RIMKLB: variants seen among roughly 807,000 people sequenced by gnomAD.
The protein encoded by RIMKLB is beta-citrylglutamate synthase B.
A neutral mutation model predicts 32.0 loss-of-function variants in RIMKLB; 7 were observed. The ratio of observed to expected loss-of-function variants is 0.22; its 90% confidence interval spans 0.12 to 0.41. The LOEUF (loss-of-function observed/expected upper bound fraction) is 0.41, where lower values mean the gene tolerates loss of function less well. Ranked by LOEUF, RIMKLB falls within the 10% of genes least tolerant of loss-of-function variation. RIMKLB has a pLI of 1.00. For synonymous variants in RIMKLB, 172 were observed against 185.1 expected (o/e 0.93, Z 0.57); for missense variants, 289 against 498.7 (o/e 0.58, Z 4.00).
chr12:8,741,132 G>A (rs1226209333), intron 2 of RIMKLB, among the ~76,000 whole-genome samples: 2 of 152,092 alleles, frequency 1.3e-5, no homozygotes, highest in African/African-American at 4.8e-5. Flanking sequence ...CTTGAACCCG[G>A]GAGACGGAGG....
chr12:8,693,452 A>G (rs747450976), upstream of RIMKLB, among the ~76,000 whole-genome samples: 3 of 148,620 alleles, frequency 2.0e-5, no homozygotes, highest in South Asian at 2.1e-4. Flanking sequence ...ACCGGAGTGC[A>G]GTGGCACTAT....
Position 8,750,111 on chromosome 12 carries a change from A to T in RIMKLB, c.406+19A>T, listed in dbSNP as rs1591884018. ...TCTTATGGTGAGCCTACTAAAGAGC[A>T]TACATAGCCTGAATATTAACCACTG... On this transcript the variant is annotated intron_variant, in intron 3 of 5. Coordinates refer to ENST00000535829, the MANE Select transcript of RIMKLB (RefSeq NM_001297776.2). 9 of 1,461,688 alleles carry T rather than the reference A, an allele frequency of 6.2e-6. No homozygotes were observed. The highest frequency in any genetic ancestry group is 8.6e-6 in the Non-Finnish European group (9 of 1,043,388). 90.5% of individuals were successfully genotyped at this position (1,461,688 alleles called of 1,614,324 possible). A position where few individuals can be genotyped will look rare whatever the true frequency, so the allele number is the denominator to read the frequency against.
intron 2 of RIMKLB, among the ~76,000 whole-genome samples, chr12:8,739,820 C>T (rs1050496845): frequency 6.6e-6 from 1 of 152,160 alleles, no homozygotes; most frequent in Non-Finnish European, 1.5e-5. Flanking sequence ...GAGAGCTCTA[C>T]CTCCTTGTGT....
chr12:8,712,374 T>C (rs1944449579), intron 1 of RIMKLB, among the ~76,000 whole-genome samples: 1 of 152,048 alleles, frequency 6.6e-6, no homozygotes, highest in African/African-American at 2.4e-5. Context: ...ATCACACCAT[T>C]GCCCTCCAGC....
Position 8,753,976 on chromosome 12 carries a change from A to C in RIMKLB, c.580A>C (p.Lys194Gln). ...IRHEAPYLFQ[K>Q]YVKESHGRDV... ...CCATGAAGCGCCATACCTGTTCCAG[A>C]AGTATGTTAAAGAGTCTCATGGACG... Residue 194 changes from lysine to glutamine, a missense_variant, in exon 5 of 6, where the codon AAG (lysine) becomes CAG (glutamine). This residue lies in a region of RIMKLB where 156 missense variants were observed against 329.5 expected (regional missense o/e 0.47). Coordinates refer to ENST00000535829, the MANE Select transcript of RIMKLB (RefSeq NM_001297776.2). 1 of 1,613,916 alleles carries C rather than the reference A, an allele frequency of 6.2e-7. No individual in the cohort carries two copies. The highest frequency in any genetic ancestry group is 1.1e-5 in the South Asian group (1 of 91,074).
intron 5 of RIMKLB, 123 bp from the exon 6 acceptor site, chr12:8,773,198 A>G (rs1950540881): frequency 4.4e-6 from 3 of 675,102 alleles, no homozygotes; most frequent in African/African-American, 1.8e-5. Flanking sequence ...CTAATTTTAC[A>G]CTAGAATAAC....
At chr12:8,709,710 C>T (rs1344880849) in intron 1 of RIMKLB, among the ~76,000 whole-genome samples, 2 of 152,246 alleles carry the variant, frequency 1.3e-5, no homozygotes, top group South Asian at 4.1e-4. Flanking sequence ...GTTTCAGTTA[C>T]GCCCTGACAC....
chr12:8,683,837 T>A (rs1942486878), intron 1 of RIMKLB, among the ~76,000 whole-genome samples: 1 of 151,884 alleles, frequency 6.6e-6, no homozygotes, highest in Non-Finnish European at 1.5e-5. Flanking sequence ...TACCTCCACC[T>A]CCCGGGTTCA....
chr12:8,685,651 T>G (rs781311975), intron 1 of RIMKLB, among the ~76,000 whole-genome samples: 1 of 152,164 alleles, frequency 6.6e-6, no homozygotes, highest in Non-Finnish European at 1.5e-5. Flanking sequence ...GCTCTTTCAT[T>G]TCTTACTTTT....
At position 8,777,132 on chromosome 12, in the gene RIMKLB, T is replaced by C; in HGVS notation, c.*3348T>C. 4.1e-6 allele frequency: 4 copies of C among 985,288 alleles called. No homozygotes were observed. The highest frequency in any genetic ancestry group is 4.8e-6 in the Non-Finnish European group (4 of 829,566). The allele number at this position is 985,288 out of a possible 1,614,324, so 61.0% of individuals were successfully genotyped here. On this transcript the variant is annotated 3_prime_UTR_variant, in exon 6 of 6. Transcript: ENST00000535829. The stretch of plus-strand genomic sequence containing the variant: ...TTTGTTTGTTCAATTTTATTTAAGA[T>C]TTGTTTTTGTTGTACTAGGATTTTA...
chr12:8,738,231 CAG>C (rs1947198151), intron 2 of RIMKLB, among the ~76,000 whole-genome samples: 1 of 152,030 alleles, frequency 6.6e-6, no homozygotes, highest in African/African-American at 2.4e-5. Context: ...TTTGTAGAGA[CAG>C]AGTTTTGCTA....
rs1950618591 is a variant in RIMKLB at position 8,774,574 on chromosome 12, T to C, written c.*790T>C. 4 of 417,052 alleles carry C rather than the reference T, an allele frequency of 9.6e-6. No homozygotes were observed. The highest frequency in any genetic ancestry group is 8.7e-5 in the African/African-American group (3 of 34,404). 25.8% of individuals were successfully genotyped at this position (417,052 alleles called of 1,614,324 possible). A position where few individuals can be genotyped will look rare whatever the true frequency, so the allele number is the denominator to read the frequency against. On this transcript the variant is annotated 3_prime_UTR_variant, in exon 6 of 6. Coordinates refer to ENST00000535829, the MANE Select transcript of RIMKLB (RefSeq NM_001297776.2). ...AAAGATGTGCTCTGTTAATGTTGCT[T>C]TTTTTTTTTTTTTTAATACATGCTA...
chr12:8,683,296 C>T (rs1223679743), intron 1 of RIMKLB, among the ~76,000 whole-genome samples: 1 of 152,152 alleles, frequency 6.6e-6, no homozygotes, highest in African/African-American at 2.4e-5. Flanking sequence ...ATTGCTGGAT[C>T]ATATGGTAAG....
In RIMKLB at chr12:8,690,197, A is replaced by G. The variant is rs765574286; in HGVS notation, n.219+8379A>G. On this transcript the variant is annotated intron_variant and non_coding_transcript_variant, in intron 1 of 1. Coordinates refer to the RIMKLB transcript ENST00000538758. Reference sequence around the variant, plus strand: ...TGATAAAAAGATTCTATGACTGTAGAAAATCCATTTATGACTTAAATGGAG... The same window carrying G: ...TGATAAAAAGATTCTATGACTGTAGGAAATCCATTTATGACTTAAATGGAG... Among the ~76,000 whole-genome samples the G allele has an allele frequency of 4.6e-5, 7 of 152,362 alleles. 1 individual carries two copies. In the South Asian group the frequency reaches 1.5e-3, roughly 32 times the overall value.
At chr12:8,713,606 G>A in intron 1 of RIMKLB, 1 of 417,482 alleles carries the variant, frequency 2.4e-6, no homozygotes, top group South Asian at 2.4e-5. Flanking sequence ...GAAAAATGGA[G>A]AAATCATATT....
At chr12:8,716,722 C>CTTTT (rs1944882643) in intron 2 of RIMKLB, among the ~76,000 whole-genome samples, 1 of 126,182 alleles carries the variant, frequency 7.9e-6, no homozygotes, top group African/African-American at 3.0e-5. Context: ...CTTTCTTTTC[C>CTTTT]TTCTTTTTTT....
At chr12:8,683,921 T>C (rs1228033796) in intron 1 of RIMKLB, among the ~76,000 whole-genome samples, 3 of 152,008 alleles carry the variant, frequency 2.0e-5, no homozygotes, top group Non-Finnish European at 4.4e-5. Context: ...CTAATTTTTG[T>C]ATTTTTAGTA....
At chr12:8,781,707 A>G (rs1315109761), downstream of RIMKLB, among the ~76,000 whole-genome samples, 1 of 152,126 alleles carries the variant, frequency 6.6e-6, no homozygotes, top group East Asian at 1.9e-4. Flanking sequence ...GTTTTTCCTA[A>G]GAGAGTGTGC....
chr12:8,779,023 C>T (rs936709365), downstream of RIMKLB: 4 of 152,112 alleles, frequency 2.6e-5, no homozygotes, highest in Admixed American at 2.0e-4. Context: ...TTGGAATTTA[C>T]TAACAGAGGG....
Sources: gnomAD v4.1 joint callset for allele counts (sites outside exome capture counted in the v4.1 genomes callset) on GRCh38, gnomAD v4.1.1 for gene constraint, gnomAD v4.1.1 regional missense constraint, MANE v1.5 for transcripts, NCBI Gene and HGNC (gene_info 2026-07-23, HGNC 2026-07-21) for gene names.